The following FBXL7 variants were observed in gnomAD, a reference collection of about 807,000 sequenced individuals.
FBXL7 encodes F-box/LRR-repeat protein 7.
FBXL7 carries 12 observed loss-of-function variants against 38.3 expected under a neutral mutation model. The observed-to-expected ratio is 0.31, with a 90% CI of 0.20 to 0.51. The LOEUF (loss-of-function observed/expected upper bound fraction) is 0.51, where lower values mean the gene tolerates loss of function less well. Ranked by LOEUF, FBXL7 falls within the 20% of genes least tolerant of loss-of-function variation. The pLI is 0.98. For missense variants in FBXL7, 567 were observed against 676.4 expected (o/e 0.84, Z 1.79); for synonymous variants, 297 against 300.9 (o/e 0.99, Z 0.13).
chr5:15,695,080 G>T (rs1205209063), intron 2 of FBXL7, among the ~76,000 whole-genome samples: 2 of 152,158 alleles, frequency 1.3e-5, no homozygotes, highest in African/African-American at 2.4e-5. Context: ...ACTTCATAAA[G>T]ATCAGGATTA....
chr5:15,639,061 G>A lies in FBXL7; in HGVS notation c.127+22989G>A, dbSNP rs79835506. On this transcript the variant is annotated intron_variant, in intron 2 of 3. Coordinates refer to ENST00000504595, the MANE Select transcript of FBXL7 (RefSeq NM_012304.5). Reference sequence around the variant, plus strand: ...AAGGAGTGTTATTTTGTATTTTGGGGATCTCTCATGTCTGAGAAACATTTT... The same window carrying A: ...AAGGAGTGTTATTTTGTATTTTGGGAATCTCTCATGTCTGAGAAACATTTT... 3.1e-3 allele frequency among the ~76,000 whole-genome samples: 479 copies of A among 152,290 alleles called. 3 individuals carry two copies. The highest frequency in any genetic ancestry group is 0.011 in the African/African-American group (449 of 41,560).
intron 2 of FBXL7, among the ~76,000 whole-genome samples, chr5:15,800,948 C>A (rs1458048004): frequency 2.0e-5 from 3 of 152,250 alleles, no homozygotes; most frequent in African/African-American, 7.2e-5. Context: ...ACACACATAA[C>A]CAATAGGGTT....
intron 2 of FBXL7, among the ~76,000 whole-genome samples, chr5:15,892,977 G>A (rs545089805): frequency 2.1e-4 from 32 of 152,174 alleles, no homozygotes; most frequent in South Asian, 4.2e-4. Context: ...TTAGCTGGGC[G>A]TGGTGGTGGG....
At chr5:15,529,623 C>T (rs1184881314) in intron 1 of FBXL7, among the ~76,000 whole-genome samples, 4 of 152,122 alleles carry the variant, frequency 2.6e-5, no homozygotes, top group African/African-American at 9.7e-5. Context: ...CTCCTGACCT[C>T]GTGATCCACC....
At chr5:15,517,518 G>A (rs1736975183) in intron 1 of FBXL7, among the ~76,000 whole-genome samples, 3 of 152,184 alleles carry the variant, frequency 2.0e-5, no homozygotes, top group Admixed American at 1.3e-4. Flanking sequence ...GGTCAGACAA[G>A]GAGGCGGGAA....
At chr5:15,590,134 T>A (rs1166607164) in intron 1 of FBXL7, among the ~76,000 whole-genome samples, 2 of 152,186 alleles carry the variant, frequency 1.3e-5, no homozygotes, top group Non-Finnish European at 2.9e-5. Flanking sequence ...AGAGAAGAGC[T>A]ATGGAGTAAT....
chr5:15,927,917 G>A lies in FBXL7; in HGVS notation c.155G>A (p.Ser52Asn), dbSNP rs1741926636. The A allele has an allele frequency of 6.5e-7, 1 of 1,537,730 alleles. No individual in the cohort carries two copies. Residue 52 changes from serine (S) to asparagine (N), a missense_variant, in exon 3 of 4, where the codon AGC becomes AAC. Coordinates refer to ENST00000504595, the MANE Select transcript of FBXL7 (RefSeq NM_012304.5). ...TCCGACCTGAGCATGCGCACACTGA[G>A]CACGCCCAGCCCAGCCCTGATATGT... ...EDSDLSMRTL[S>N]TPSPALICPP...
intron 2 of FBXL7, among the ~76,000 whole-genome samples, chr5:15,803,000 G>T (rs190565662): frequency 2.2e-4 from 34 of 152,232 alleles, no homozygotes; most frequent in African/African-American, 8.2e-4. Flanking sequence ...TTCTTTATCT[G>T]TTGACAAATT....
intron 1 of FBXL7, among the ~76,000 whole-genome samples, chr5:15,600,860 G>A (rs957285336): frequency 6.6e-6 from 1 of 152,104 alleles, no homozygotes; most frequent in African/African-American, 2.4e-5. Flanking sequence ...TGACAGTAAG[G>A]CACAAAGGTC....
chr5:15,937,124 C>A lies in FBXL7; in HGVS notation c.1414C>A (p.Arg472Ser). Reference protein sequence around the residue: ...QDCEVSVEALRFVKRHCKRCV... With the variant: ...QDCEVSVEALSFVKRHCKRCV... ...CTGCGAGGTCTCCGTGGAGGCCCTG[C>A]GCTTTGTCAAACGCCACTGCAAGCG... Residue 472 changes from arginine (R) to serine (S), a missense_variant, in exon 4 of 4, where the codon CGC becomes AGC. Coordinates refer to ENST00000504595, the MANE Select transcript of FBXL7 (RefSeq NM_012304.5). 5 of 1,611,974 alleles carry A rather than the reference C, an allele frequency of 3.1e-6. No individual in the cohort carries two copies. The highest frequency in any genetic ancestry group is 4.2e-6 in the Non-Finnish European group (5 of 1,178,600).
At chr5:15,696,952 C>T (rs1471689854) in intron 2 of FBXL7, among the ~76,000 whole-genome samples, 1 of 152,176 alleles carries the variant, frequency 6.6e-6, no homozygotes, top group African/African-American at 2.4e-5. Context: ...CTCACAAGTT[C>T]GTCTTCATCA....
intron 1 of FBXL7, among the ~76,000 whole-genome samples, chr5:15,601,196 C>T (rs1244393354): frequency 6.6e-6 from 1 of 152,148 alleles, no homozygotes; most frequent in Non-Finnish European, 1.5e-5. Flanking sequence ...TGTAGAACCA[C>T]CAGTGAACTT....
chr5:15,937,192 C>T lies in FBXL7; in HGVS notation c.*6C>T, dbSNP rs1400004544. 6 of 1,576,076 alleles carry T rather than the reference C, an allele frequency of 3.8e-6. No homozygotes were observed. The highest frequency in any genetic ancestry group is 1.1e-5 in the South Asian group (1 of 87,818). On this transcript the variant is annotated 3_prime_UTR_variant, in exon 4 of 4. Transcript: ENST00000504595. Reference sequence around the variant, plus strand: ...CCAACCCGGCTTTCTTCTGAAGGGACAGAGTTCATCCGGCGTTGTATTCAC... The same window carrying T: ...CCAACCCGGCTTTCTTCTGAAGGGATAGAGTTCATCCGGCGTTGTATTCAC...
chr5:15,774,337 C>T (rs1418536138), intron 2 of FBXL7, among the ~76,000 whole-genome samples: 1 of 152,028 alleles, frequency 6.6e-6, no homozygotes, highest in Non-Finnish European at 1.5e-5. Flanking sequence ...ACTTGATCTA[C>T]ACGTTCCATT....
At chr5:15,642,836 A>G (rs1422574418) in intron 2 of FBXL7, among the ~76,000 whole-genome samples, 1 of 152,104 alleles carries the variant, frequency 6.6e-6, no homozygotes, top group Non-Finnish European at 1.5e-5. Context: ...CACAACAACA[A>G]TTTGCCTACC....
chr5:15,746,788 G>C (rs543305744), intron 2 of FBXL7, among the ~76,000 whole-genome samples: 1 of 151,996 alleles, frequency 6.6e-6, no homozygotes, highest in Non-Finnish European at 1.5e-5. Context: ...TTTCTAATTT[G>C]CTGTAGACTG....
At chr5:15,845,490 T>C (rs932967039) in intron 2 of FBXL7, among the ~76,000 whole-genome samples, 3 of 152,174 alleles carry the variant, frequency 2.0e-5, no homozygotes, top group Non-Finnish European at 4.4e-5. Context: ...CTAACCCATC[T>C]AGTATAAATA....
intron 2 of FBXL7, among the ~76,000 whole-genome samples, chr5:15,779,374 G>C (rs1736935782): frequency 6.6e-6 from 1 of 152,078 alleles, no homozygotes; most frequent in South Asian, 2.1e-4. Context: ...GAAAATGTTT[G>C]AAGTAATGAC....
At chr5:15,766,026 G>GTCTA (rs1314796207) in intron 2 of FBXL7, among the ~76,000 whole-genome samples, 1 of 136,466 alleles carries the variant, frequency 7.3e-6, no homozygotes, top group Non-Finnish European at 1.6e-5. Flanking sequence ...CTGTCTGTCT[G>GTCTA]TCTGTCTGTC....
Sources: gnomAD v4.1 joint callset for allele counts (sites outside exome capture counted in the v4.1 genomes callset) on GRCh38, gnomAD v4.1.1 for gene constraint, MANE v1.5 for transcripts, NCBI Gene and HGNC (gene_info 2026-07-23, HGNC 2026-07-21) for gene names.